THSD7A: variants seen among roughly 807,000 people sequenced by gnomAD.
THSD7A encodes thrombospondin type-1 domain-containing protein 7A.
In THSD7A, 96 loss-of-function variants were observed where a neutral mutation model predicts 231.3. That is an observed-to-expected ratio of 0.41 (90% CI 0.35 to 0.49). The LOEUF is 0.49. THSD7A is among the 20% of genes least tolerant of loss of function. The probability of loss-of-function intolerance (pLI) is 0.05; values close to 1 mark genes in which losing one functional copy is unlikely to be tolerated. For missense variants in THSD7A, 2,290 were observed against 2,070.2 expected, an observed-to-expected ratio of 1.11 and a Z score of -2.06; for synonymous variants, 940 against 743.3, an observed-to-expected ratio of 1.26 and a Z score of -4.30.
intron 11 of THSD7A, among the ~76,000 whole-genome samples, chr7:11,455,620 G>A (rs549582076): frequency 7.9e-5 from 12 of 152,056 alleles, no homozygotes; most frequent in African/African-American, 2.9e-4. Context: ...AGTACTTTGT[G>A]TTCTAATATA....
chr7:11,418,288 C>G (rs1044950993), intron 16 of THSD7A, among the ~76,000 whole-genome samples: 5 of 152,170 alleles, frequency 3.3e-5, no homozygotes, highest in African/African-American at 1.2e-4. Flanking sequence ...TACTACTTGA[C>G]TTGAAAAAAT....
In THSD7A at chr7:11,375,657, C is replaced by T; in HGVS notation, c.*137G>A. The T allele has an allele frequency of 1.5e-6, 1 of 676,946 alleles. No individual in the cohort carries two copies. The highest frequency in any genetic ancestry group is 2.1e-5 in the South Asian group (1 of 47,134). The allele number at this position is 676,946 out of a possible 1,614,324, so 41.9% of individuals were successfully genotyped here. The stretch of plus-strand genomic sequence containing the variant: ...ATATCTCCAGTGGCAGTATGATTTT[C>T]ACTCTTGTCTTTATGATGCCATTTT... On this transcript the variant is annotated 3_prime_UTR_variant, in exon 28 of 28. Transcript: ENST00000423059.
intron 1 of THSD7A, among the ~76,000 whole-genome samples, chr7:11,788,767 T>C (rs1783865159): frequency 6.6e-6 from 1 of 152,028 alleles, no homozygotes; most frequent in Non-Finnish European, 1.5e-5. Flanking sequence ...TTTTATTATC[T>C]GTAAAATGGG....
At chr7:11,778,948 C>T (rs1783535570) in intron 1 of THSD7A, among the ~76,000 whole-genome samples, 1 of 152,026 alleles carries the variant, frequency 6.6e-6, no homozygotes, top group Admixed American at 6.6e-5. Context: ...ATTCTTATAT[C>T]AATCCTATGA....
chr7:11,675,248 T>C (rs909186796), intron 1 of THSD7A, among the ~76,000 whole-genome samples: 4 of 152,094 alleles, frequency 2.6e-5, no homozygotes, highest in Admixed American at 2.0e-4. Flanking sequence ...GATACTATGC[T>C]TTTACCATGG....
intron 1 of THSD7A, among the ~76,000 whole-genome samples, chr7:11,825,264 C>T (rs879212928): frequency 6.6e-6 from 1 of 152,034 alleles, no homozygotes; most frequent in Admixed American, 6.6e-5. Flanking sequence ...TTCATAAATG[C>T]CTTCTTACAT....
chr7:11,618,930 A>T (rs1781212908), intron 2 of THSD7A, among the ~76,000 whole-genome samples: 1 of 152,074 alleles, frequency 6.6e-6, no homozygotes, highest in African/African-American at 2.4e-5. Flanking sequence ...GTAAGATTTT[A>T]GGTGGCTTTT....
intron 1 of THSD7A, among the ~76,000 whole-genome samples, chr7:11,779,356 T>C (rs1020828676): frequency 7.9e-5 from 12 of 152,204 alleles, no homozygotes; most frequent in African/African-American, 2.9e-4. Context: ...TAGAAGTTAA[T>C]TCCCAAACAA....
At chr7:11,803,530 GAGAA>G (rs2128182156) in intron 1 of THSD7A, among the ~76,000 whole-genome samples, 1 of 152,184 alleles carries the variant, frequency 6.6e-6, no homozygotes, top group East Asian at 1.9e-4. Context: ...AGGAGAAAAG[GAGAA>G]AGAAATACTA....
At chr7:11,707,768 T>C (rs1331920493) in intron 1 of THSD7A, among the ~76,000 whole-genome samples, 1 of 150,934 alleles carries the variant, frequency 6.6e-6, no homozygotes, top group Non-Finnish European at 1.5e-5. Flanking sequence ...TCAATGCTTA[T>C]GTGATATTCC....
chr7:11,440,255 G>C (rs1378477663), intron 13 of THSD7A, among the ~76,000 whole-genome samples: 1 of 152,028 alleles, frequency 6.6e-6, no homozygotes, highest in African/African-American at 2.4e-5. Flanking sequence ...CAAAATATTA[G>C]TTCTTATTGA....
At chr7:11,741,472 T>C (rs1293009784) in intron 1 of THSD7A, among the ~76,000 whole-genome samples, 4 of 151,950 alleles carry the variant, frequency 2.6e-5, no homozygotes, top group Non-Finnish European at 5.9e-5. Context: ...ATATATGCTA[T>C]ATATGCACTG....
chr7:11,529,575 T>G (rs1004656814), intron 6 of THSD7A, among the ~76,000 whole-genome samples: 1 of 144,738 alleles, frequency 6.9e-6, no homozygotes. Context: ...AGCTGATGGT[T>G]TTAAAAGTGT....
intron 1 of THSD7A, among the ~76,000 whole-genome samples, chr7:11,772,495 G>C (rs981658435): frequency 6.6e-6 from 1 of 151,924 alleles, no homozygotes; most frequent in Non-Finnish European, 1.5e-5. Flanking sequence ...ACACTGGCTT[G>C]GATAAAGAAA....
chr7:11,779,312 C>G (rs1240389855), intron 1 of THSD7A, among the ~76,000 whole-genome samples: 1 of 152,136 alleles, frequency 6.6e-6, no homozygotes, highest in African/African-American at 2.4e-5. Context: ...TTCTCTCCCT[C>G]ACTCTTCCTT....
chr7:11,695,697 G>A (rs1260391983), intron 1 of THSD7A, among the ~76,000 whole-genome samples: 1 of 151,520 alleles, frequency 6.6e-6, no homozygotes, highest in Non-Finnish European at 1.5e-5. Flanking sequence ...TCCAAAGATA[G>A]TAGGTTAGGA....
At chr7:11,505,302 C>T (rs180699519) in intron 6 of THSD7A, among the ~76,000 whole-genome samples, 59 of 152,218 alleles carry the variant, frequency 3.9e-4, no homozygotes, top group African/African-American at 1.4e-3. Context: ...ACAAGGGCTA[C>T]TAACTTCAAA....
intron 6 of THSD7A, among the ~76,000 whole-genome samples, chr7:11,539,586 G>GT (rs975194683): frequency 2.0e-5 from 3 of 152,106 alleles, no homozygotes; most frequent in Non-Finnish European, 4.4e-5. Context: ...ACCTCTGCTT[G>GT]TTTTTTAGTG....
chr7:11,541,408 G>T lies in THSD7A; in HGVS notation c.1822+11C>A. The T allele has an allele frequency of 6.2e-7, 1 of 1,613,056 alleles. No homozygotes were observed. ...ACATCCATAAAAACATAATAGATAC[G>T]TCTGTCTTACCATCACTGTTGATGC... On this transcript the variant is annotated intron_variant, in intron 6 of 27. Coordinates refer to ENST00000423059, the MANE Select transcript of THSD7A (RefSeq NM_015204.3).
Sources: allele counts gnomAD v4.1 joint callset (sites outside exome capture counted in the v4.1 genomes callset), GRCh38; gene constraint gnomAD v4.1.1; transcripts MANE v1.5; gene names NCBI Gene and HGNC (gene_info 2026-07-23, HGNC 2026-07-21).